Variants in WDR64 observed in about 807,000 individuals in gnomAD.
WDR64 encodes WD repeat-containing protein 64.
In WDR64, 112 loss-of-function variants were observed where a neutral mutation model predicts 139.3. The ratio of observed to expected loss-of-function variants is 0.80; its 90% CI spans 0.69 to 0.94. WDR64 has a LOEUF of 0.94. WDR64 is among the 40% of genes least tolerant of loss of function. WDR64 has a pLI of 0.00. For synonymous variants in WDR64, 444 were observed against 437.7 expected, an observed-to-expected ratio of 1.01 and a Z score of -0.18; for missense variants, 1,206 against 1,293.1, an observed-to-expected ratio of 0.93 and a Z score of 1.03.
chr1:241,658,143 T>C (rs955129602), intron 1 of WDR64, among the ~76,000 whole-genome samples: 8 of 152,178 alleles, frequency 5.3e-5, no homozygotes, highest in African/African-American at 1.7e-4. Context: ...TAACAGATAC[T>C]CATATTTTTA....
chr1:241,759,363 T>C (rs2148280808), intron 15 of WDR64, among the ~76,000 whole-genome samples: 1 of 152,334 alleles, frequency 6.6e-6, no homozygotes, highest in Non-Finnish European at 1.5e-5. Flanking sequence ...ATGTATTGTG[T>C]TCTTAAAATT....
Position 241,776,912 on chromosome 1 carries a change from G to C in WDR64, c.2536+1702G>C, listed in dbSNP as rs1350935645. Among the ~76,000 whole-genome samples, 3 of 152,064 alleles carry C rather than the reference G, an allele frequency of 2.0e-5. No homozygotes were observed. The South Asian group carries it at 6.2e-4, about 31-fold the overall frequency. ...GTTTCTGTTTGTGATCCAGAAAATA[G>C]AGTGGGTTTGGGATCCAATCTATCC... On this transcript the variant is annotated intron_variant, in intron 21 of 27. Transcript: ENST00000437684.
In WDR64 at chr1:241,749,637, G is replaced by C; in HGVS notation, c.1685G>C (p.Arg562Pro). The change falls in exon 14 of 28, where the codon CGA becomes CCA. Residue 562 changes from arginine (R) to proline (P), a missense_variant. Physicochemically the swap from Arg to Pro is moderately radical, Grantham distance 103 (BLOSUM62 -2). Transcript: ENST00000437684. The stretch of plus-strand genomic sequence containing the variant: ...TGGAAGGAGGACGAGCACTGCCTAC[G>C]ACGCCTCATTTTCCTCAAAGCCCAA... ...KDWKEDEHCL[R>P]RLIFLKAQEK... is the part of the protein sequence containing the mutation. The C allele has an allele frequency of 6.2e-7, 1 of 1,614,104 alleles. No individual in the cohort carries two copies. Among genetic ancestry groups the C allele is most frequent in the Non-Finnish European group, 8.5e-7 (1 of 1,180,006 alleles).
chr1:241,749,444 T>C (rs1287601838), intron 13 of WDR64, 103 bp from the exon 14 acceptor site: 1 of 1,340,632 alleles, frequency 7.5e-7, no homozygotes, highest in South Asian at 1.4e-5. Context: ...ATAGGATAAA[T>C]TGTTGGCAGA....
chr1:241,773,424 G>A (rs1398763999), intron 20 of WDR64, among the ~76,000 whole-genome samples: 1 of 152,142 alleles, frequency 6.6e-6, no homozygotes. Context: ...AATCTATTGA[G>A]CCTGCTTATA....
chr1:241,694,229 A>C (rs538571774), intron 8 of WDR64, among the ~76,000 whole-genome samples: 2 of 152,202 alleles, frequency 1.3e-5, no homozygotes, highest in African/African-American at 4.8e-5. Context: ...GAAGAACAGC[A>C]TATCACATCT....
chr1:241,795,191 T>C lies in WDR64; in HGVS notation c.2998-16T>C, dbSNP rs760609336. 5 of 1,611,794 alleles carry C rather than the reference T, an allele frequency of 3.1e-6. No homozygotes were observed. Among genetic ancestry groups the C allele is most frequent in the Admixed American group, 3.3e-5 (2 of 59,856 alleles). On this transcript the variant is annotated splice_polypyrimidine_tract_variant and intron_variant, in intron 25 of 27. Coordinates refer to ENST00000437684, the MANE Select transcript of WDR64 (RefSeq NM_001367482.1). ...ATGTGCCCCTTTCATTAAACATTCA[T>C]CCCTTTGTTTTGCAGATTCGAAGAT...
intron 7 of WDR64, among the ~76,000 whole-genome samples, chr1:241,684,608 A>C (rs1056981829): frequency 1.3e-4 from 20 of 152,240 alleles, no homozygotes; most frequent in African/African-American, 4.6e-4. Context: ...GCATTCTCAC[A>C]TTAGTTGGTG....
rs573527221 is a variant in WDR64, at chr1:241,720,549, G to A, written c.1055-2748G>A. On this transcript the variant is annotated intron_variant, in intron 9 of 27. Coordinates refer to ENST00000437684, the MANE Select transcript of WDR64 (RefSeq NM_001367482.1). ...TGGTTTTGATTTGCATTTCTCCAAT[G>A]ACCAACGATGTTGAGTTTTTTTAAT... Among the ~76,000 whole-genome samples the A allele has an allele frequency of 1.9e-3, 288 of 152,254 alleles. 1 individual carries two copies. Among genetic ancestry groups the A allele is most frequent in the Non-Finnish European group, 3.2e-3 (217 of 68,016 alleles).
chr1:241,655,049 A>T (rs1171586284), intron 1 of WDR64, among the ~76,000 whole-genome samples: 1 of 152,160 alleles, frequency 6.6e-6, no homozygotes, highest in Non-Finnish European at 1.5e-5. Flanking sequence ...TCACTATGTC[A>T]TGGTATCTAT....
intron 10 of WDR64, among the ~76,000 whole-genome samples, chr1:241,724,037 A>G (rs1668710883): frequency 6.6e-6 from 1 of 152,114 alleles, no homozygotes; most frequent in Non-Finnish European, 1.5e-5. Context: ...AAAAAGGTCA[A>G]AGAGATAGCA....
chr1:241,785,937 G>A (rs1341316396), intron 23 of WDR64, among the ~76,000 whole-genome samples: 2 of 152,168 alleles, frequency 1.3e-5, no homozygotes, highest in African/African-American at 4.8e-5. Flanking sequence ...AGCAGGATTA[G>A]TTATTTGGGA....
At chr1:241,743,496 G>T (rs1198036227) in intron 12 of WDR64, among the ~76,000 whole-genome samples, 1 of 151,888 alleles carries the variant, frequency 6.6e-6, no homozygotes, top group Admixed American at 6.6e-5. Context: ...CATCCCCTCC[G>T]CACTCCCCCT....
intron 25 of WDR64, among the ~76,000 whole-genome samples, chr1:241,792,490 C>T (rs1179867115): frequency 1.3e-5 from 2 of 151,940 alleles, no homozygotes; most frequent in Non-Finnish European, 2.9e-5. Context: ...AAGCTGAGAT[C>T]GTGCCACTGC....
At chr1:241,654,974 C>T (rs1464374091) in intron 1 of WDR64, among the ~76,000 whole-genome samples, 1 of 152,168 alleles carries the variant, frequency 6.6e-6, no homozygotes, top group Non-Finnish European at 1.5e-5. Flanking sequence ...TGAAAAAAAT[C>T]CATAATCTGA....
At chr1:241,708,159 G>A (rs1033569428) in intron 8 of WDR64, among the ~76,000 whole-genome samples, 6 of 152,170 alleles carry the variant, frequency 3.9e-5, no homozygotes, top group Non-Finnish European at 7.3e-5. Context: ...GGGTATGCAA[G>A]ATGATCCATC....
chr1:241,679,536 G>A lies in WDR64; in HGVS notation c.565G>A (p.Val189Ile), dbSNP rs751876755. The A allele has an allele frequency of 2.7e-5, 42 of 1,551,320 alleles. No individual in the cohort carries two copies. Among genetic ancestry groups the A allele is most frequent in the Admixed American group, 5.9e-5 (3 of 50,974 alleles). Residue 189 changes from valine to isoleucine, a missense_variant, in exon 6 of 28, where the codon GTA becomes ATA. Transcript: ENST00000437684. ...TTACCTCTTGCAGCTGAAACGAATCGTAGCCACAACCGAAAGGACCATTAT... is the reference window on the plus strand; with the variant it reads ...TTACCTCTTGCAGCTGAAACGAATCATAGCCACAACCGAAAGGACCATTAT... Reference protein sequence around the residue: ...CDYLLQLKRIVATTERTIIVW... With the variant: ...CDYLLQLKRIIATTERTIIVW...
rs916419038 is a variant in WDR64, at chr1:241,703,848, A to G, written c.975-7954A>G. ...GGGAAGCAAGGACCTTCTTCACATG[A>G]TGGCAGGAGAGAGAAAAGTGAGCAA... is the stretch of plus-strand genomic sequence containing the variant. On this transcript the variant is annotated intron_variant, in intron 8 of 27. Coordinates refer to ENST00000437684, the MANE Select transcript of WDR64 (RefSeq NM_001367482.1). This position sits in a 1 kb window ranked among gnomAD's most constrained non-coding sequence, Gnocchi z 5.9. Among the ~76,000 whole-genome samples the G allele has an allele frequency of 1.3e-5, 2 of 152,180 alleles. No homozygotes were observed. Among genetic ancestry groups the G allele is most frequent in the African/African-American group, 4.8e-5 (2 of 41,438 alleles).
At chr1:241,785,383 G>A (rs1658999418) in intron 23 of WDR64, among the ~76,000 whole-genome samples, 1 of 152,130 alleles carries the variant, frequency 6.6e-6, no homozygotes, top group South Asian at 2.1e-4. Flanking sequence ...TCCTTACATG[G>A]TGAAAGAGGC....
Sources: allele counts gnomAD v4.1 joint callset (sites outside exome capture counted in the v4.1 genomes callset), GRCh38; gene constraint gnomAD v4.1.1; non-coding constraint Gnocchi (gnomAD v3.1); transcripts MANE v1.5; gene names NCBI Gene and HGNC (gene_info 2026-07-23, HGNC 2026-07-21).